The following CTNND2 variants were observed in gnomAD, a reference collection of about 807,000 sequenced individuals.
CTNND2 encodes catenin delta-2.
A neutral mutation model predicts 144.4 loss-of-function variants in CTNND2; 22 were observed. The observed-to-expected ratio is 0.15, with a 90% confidence interval of 0.11 to 0.22. The LOEUF is 0.22. CTNND2 is among the 10% of genes least tolerant of loss of function. CTNND2 has a pLI of 1.00. For missense variants in CTNND2, 1,353 were observed against 1,618.8 expected, an observed-to-expected ratio of 0.84 and a Z score of 2.82; for synonymous variants, 751 against 695.6, an observed-to-expected ratio of 1.08 and a Z score of -1.25.
intron 1 of CTNND2, among the ~76,000 whole-genome samples, chr5:11,847,912 G>A (rs1013591112): frequency 1.3e-5 from 2 of 152,030 alleles, no homozygotes; most frequent in Non-Finnish European, 2.9e-5. Flanking sequence ...ACATTGTCAA[G>A]TGTCAAATAG....
chr5:11,844,440 A>C (rs1304477268), intron 1 of CTNND2, among the ~76,000 whole-genome samples: 1 of 152,110 alleles, frequency 6.6e-6, no homozygotes, highest in Non-Finnish European at 1.5e-5. Flanking sequence ...TTTGAAGACT[A>C]ATAATGCAAC....
At chr5:11,680,937 A>G (rs1784397538) in intron 2 of CTNND2, among the ~76,000 whole-genome samples, 2 of 152,094 alleles carry the variant, frequency 1.3e-5, no homozygotes, top group Admixed American at 1.3e-4. Flanking sequence ...AAAGCCACAC[A>G]CTCAGTTCTG....
At chr5:11,370,018 T>C (rs1422189468) in intron 7 of CTNND2, among the ~76,000 whole-genome samples, 2 of 152,316 alleles carry the variant, frequency 1.3e-5, no homozygotes, top group South Asian at 4.1e-4. Flanking sequence ...TACGAGTTCA[T>C]ACTACAATTG....
chr5:11,107,848 AGAT>A (rs56229056), intron 14 of CTNND2, among the ~76,000 whole-genome samples: 28,208 of 152,066 alleles, frequency 0.19, 2,859 homozygotes, highest in South Asian at 0.24. Context: ...GGAAAGAAAC[AGAT>A]GAGTCTGGGA....
intron 2 of CTNND2, among the ~76,000 whole-genome samples, chr5:11,576,414 T>A (rs1777974716): frequency 1.3e-5 from 2 of 149,984 alleles, no homozygotes; most frequent in South Asian, 2.1e-4. Context: ...TAATTATATA[T>A]AAATATATAT....
At chr5:11,723,639 A>G (rs1312633905) in intron 2 of CTNND2, among the ~76,000 whole-genome samples, 1 of 152,216 alleles carries the variant, frequency 6.6e-6, no homozygotes, top group Non-Finnish European at 1.5e-5. Context: ...CATACTCTCA[A>G]TACAAATATA....
At chr5:11,229,672 G>GTA (rs56122850) in intron 10 of CTNND2, among the ~76,000 whole-genome samples, 50,049 of 147,362 alleles carry the variant, frequency 0.34, 8,728 homozygotes, top group Non-Finnish European at 0.38. Context: ...GTGTGTGTGT[G>GTA]TATATATATA....
Position 11,904,044 on chromosome 5 carries a change from G to C in CTNND2, c.-191C>G, listed in dbSNP as rs1206391042. On this transcript the variant is annotated 5_prime_UTR_variant, in exon 1 of 22. Transcript: ENST00000304623. This position sits in a 1 kb window ranked among gnomAD's most constrained non-coding sequence, Gnocchi z 4.2. ...GCGGGCGAGAGGCGGCTCCCGACGC[G>C]AGTGCGCAGCGCCCGGCCCGGCGGC... 4 of 423,380 alleles carry C rather than the reference G, an allele frequency of 9.4e-6. No individual in the cohort carries two copies. The highest frequency in any genetic ancestry group is 2.1e-5 in the African/African-American group (1 of 47,114). 26.2% of individuals were successfully genotyped at this position (423,380 alleles called of 1,614,324 possible).
chr5:11,890,189 T>C (rs970534811), intron 1 of CTNND2, among the ~76,000 whole-genome samples: 2 of 152,206 alleles, frequency 1.3e-5, no homozygotes, highest in African/African-American at 2.4e-5. Flanking sequence ...TACTGGTCCC[T>C]GAAAACTTAA....
intron 3 of CTNND2, among the ~76,000 whole-genome samples, chr5:11,441,368 ATTTTTTT>A (rs774610481): frequency 6.1e-5 from 6 of 98,766 alleles, no homozygotes; most frequent in Non-Finnish European, 7.9e-5. Flanking sequence ...CCAATGTGGG[ATTTTTTT>A]TTTTTTTTTT....
At chr5:11,644,808 C>T (rs1782263926) in intron 2 of CTNND2, among the ~76,000 whole-genome samples, 5 of 152,074 alleles carry the variant, frequency 3.3e-5, no homozygotes, top group Admixed American at 3.3e-4. Context: ...ATGCTTGTCA[C>T]CCATAAGTCA....
intron 1 of CTNND2, among the ~76,000 whole-genome samples, chr5:11,756,647 TAC>T (rs56310010): frequency 0.068 from 10,160 of 149,628 alleles, 392 homozygotes; most frequent in African/African-American, 0.094. Flanking sequence ...CACACATACA[TAC>T]ACACACACAC....
chr5:11,636,112 C>T (rs138246553), intron 2 of CTNND2, among the ~76,000 whole-genome samples: 37 of 144,638 alleles, frequency 2.6e-4, no homozygotes, highest in African/African-American at 8.3e-4. Flanking sequence ...GGAAAACCCA[C>T]CCCCTTAAAT....
chr5:11,380,174 A>G (rs1042076295), intron 7 of CTNND2, among the ~76,000 whole-genome samples: 5 of 152,198 alleles, frequency 3.3e-5, no homozygotes, highest in Admixed American at 6.5e-5. Context: ...AAAACTGCCC[A>G]TTCCTGTGGC....
chr5:11,869,900 G>A (rs11746778), intron 1 of CTNND2, among the ~76,000 whole-genome samples: 137,496 of 152,188 alleles, frequency 0.9, 62,602 homozygotes, highest in South Asian at 0.97. Context: ...AAATAAGGAA[G>A]CAAGAAATAT....
chr5:10,977,923 T>C (rs1480179216), intron 21 of CTNND2, among the ~76,000 whole-genome samples: 2 of 152,224 alleles, frequency 1.3e-5, no homozygotes, highest in Non-Finnish European at 2.9e-5. Flanking sequence ...CGTGTGGCCA[T>C]GTGTCTGGTG....
chr5:11,327,016 G>A (rs530078213), intron 9 of CTNND2, among the ~76,000 whole-genome samples: 4 of 152,300 alleles, frequency 2.6e-5, no homozygotes, highest in African/African-American at 9.6e-5. Context: ...TAATTGGTAA[G>A]GAGCACACAC....
At chr5:11,729,136 A>G (rs1453868137) in intron 2 of CTNND2, among the ~76,000 whole-genome samples, 2 of 151,782 alleles carry the variant, frequency 1.3e-5, no homozygotes, top group East Asian at 3.9e-4. Context: ...GGGCTTCTCT[A>G]TCTCAAGTTT....
At chr5:11,349,381 TA>T (rs1319814823) in intron 8 of CTNND2, among the ~76,000 whole-genome samples, 7 of 152,052 alleles carry the variant, frequency 4.6e-5, no homozygotes, top group Non-Finnish European at 8.8e-5. Context: ...AACAGTCCTA[TA>T]AGAGAGTATA....
Sources: gnomAD v4.1 joint callset for allele counts (sites outside exome capture counted in the v4.1 genomes callset) on GRCh38, gnomAD v4.1.1 for gene constraint, Gnocchi (gnomAD v3.1) non-coding constraint, MANE v1.5 for transcripts, NCBI Gene and HGNC (gene_info 2026-07-23, HGNC 2026-07-21) for gene names.